The following BEND4 variants were observed in gnomAD, a reference collection of about 807,000 sequenced individuals.
BEND4 encodes BEN domain containing 4.
Under a neutral mutation model 54.7 loss-of-function variants are expected in BEND4, and 27 were observed. That is an observed-to-expected ratio of 0.49 (90% CI 0.36 to 0.68). The LOEUF is 0.68. BEND4 is among the 30% of genes least tolerant of loss of function. BEND4 has a pLI of 0.00. For synonymous variants in BEND4, 327 were observed against 299.5 expected, an observed-to-expected ratio of 1.09 and a Z score of -0.95; for missense variants, 702 against 697.2, an observed-to-expected ratio of 1.01 and a Z score of -0.08.
Position 42,152,517 on chromosome 4 carries a change from G to C in BEND4, c.-234+15C>G, listed in dbSNP as rs1258923654. ...CGCCTCCGACGGGGAGCGGGGGAAG[G>C]GGGAAAGCGAGGACCTGGAGGACGC... On this transcript the variant is annotated intron_variant, in intron 1 of 5. Transcript: ENST00000502486. 1.3e-5 allele frequency: 2 copies of C among 155,206 alleles called. No individual in the cohort carries two copies. The highest frequency in any genetic ancestry group is 2.8e-5 in the Non-Finnish European group (2 of 70,186). The allele number at this position is 155,206 out of a possible 1,614,324, so 9.6% of individuals were successfully genotyped here.
chr4:42,132,557 G>T (rs1720545962), intron 3 of BEND4, among the ~76,000 whole-genome samples: 1 of 152,058 alleles, frequency 6.6e-6, no homozygotes, highest in African/African-American at 2.4e-5. Context: ...AGATTCTCTT[G>T]CCTCAGCCTC....
chr4:42,119,945 GCA>G (rs771949492), intron 5 of BEND4, 107 bp downstream of exon 5: 18 of 1,393,276 alleles, frequency 1.3e-5, no homozygotes, highest in Non-Finnish European at 1.8e-5. Context: ...GACGTTCTCA[GCA>G]GAAAGAAATC....
intron 3 of BEND4, among the ~76,000 whole-genome samples, chr4:42,129,929 C>G (rs903052202): frequency 2.0e-5 from 3 of 152,150 alleles, no homozygotes; most frequent in Non-Finnish European, 2.9e-5. Flanking sequence ...AGCTTCTGCA[C>G]AGCAAAAGAA....
At chr4:42,137,843 T>A (rs1227843145) in intron 3 of BEND4, among the ~76,000 whole-genome samples, 1 of 152,300 alleles carries the variant, frequency 6.6e-6, no homozygotes, top group East Asian at 1.9e-4. Context: ...TATAAAAATG[T>A]ACTCAACATC....
chr4:42,145,251 G>A lies in BEND4; in HGVS notation c.488-1257C>T, dbSNP rs557591720. On this transcript the variant is annotated intron_variant, in intron 2 of 5. Coordinates refer to ENST00000502486, the MANE Select transcript of BEND4 (RefSeq NM_207406.4). Reference sequence around the variant, plus strand: ...AAATCCCCTAGAACACACCCAGGATGTAAGACCAAGGAAACCACACTACAG... The same window carrying A: ...AAATCCCCTAGAACACACCCAGGATATAAGACCAAGGAAACCACACTACAG... Among the ~76,000 whole-genome samples the A allele has an allele frequency of 5.3e-5, 8 of 152,288 alleles. No individual in the cohort carries two copies. In the South Asian group the frequency reaches 8.3e-4, roughly 16 times the overall value.
At chr4:42,131,176 C>T (rs528935921) in intron 3 of BEND4, among the ~76,000 whole-genome samples, 8 of 152,252 alleles carry the variant, frequency 5.3e-5, no homozygotes, top group African/African-American at 1.7e-4. Context: ...CACATGTTTA[C>T]CTATGTAACA....
intron 2 of BEND4, among the ~76,000 whole-genome samples, chr4:42,145,729 T>C (rs1055267882): frequency 9.3e-5 from 14 of 150,796 alleles, no homozygotes; most frequent in Non-Finnish European, 1.3e-4. Context: ...AAAGCCCATA[T>C]AGCACAGTGT....
At chr4:42,125,210 T>TG (rs1402372169) in intron 4 of BEND4, among the ~76,000 whole-genome samples, 2 of 152,156 alleles carry the variant, frequency 1.3e-5, no homozygotes, top group African/African-American at 4.8e-5. Context: ...ATCTGCACAC[T>TG]GAAGAATCAT....
At position 42,145,563 on chromosome 4, in the gene BEND4, G is replaced by A. The variant is rs568721008; in HGVS notation, c.488-1569C>T. On this transcript the variant is annotated intron_variant, in intron 2 of 5. Coordinates refer to ENST00000502486, the MANE Select transcript of BEND4 (RefSeq NM_207406.4). ...AAAAATTAGCTGGACATGGTGGCGC[G>A]CACCTGTAGTCCCAGCTACTCGGGG... 9.9e-5 allele frequency among the ~76,000 whole-genome samples: 15 copies of A among 151,910 alleles called. 1 individual carries two copies. Among genetic ancestry groups the A allele is most frequent in the South Asian group, 4.2e-4 (2 of 4,800 alleles).
Position 42,117,424 on chromosome 4 carries a change from A to C in BEND4, c.*94T>G, listed in dbSNP as rs1475933447. 2.7e-5 allele frequency: 23 copies of C among 852,138 alleles called. No homozygotes were observed. Among genetic ancestry groups the C allele is most frequent in the Non-Finnish European group, 4.1e-5 (22 of 541,860 alleles). The allele number at this position is 852,138 out of a possible 1,614,324, so 52.8% of individuals were successfully genotyped here. A position where few individuals can be genotyped will look rare whatever the true frequency, so the allele number is the denominator to read the frequency against. The stretch of plus-strand genomic sequence containing the variant: ...CTGAGAATGTGTAGACTATGGCAGA[A>C]TGACAGGCTTTGGACTCTCAGGTGA... On this transcript the variant is annotated 3_prime_UTR_variant, in exon 6 of 6. Transcript: ENST00000502486.
intron 2 of BEND4, among the ~76,000 whole-genome samples, chr4:42,145,797 G>T (rs536352412): frequency 5.9e-5 from 9 of 152,128 alleles, no homozygotes; most frequent in Admixed American, 5.2e-4. Context: ...CTGAAAAACT[G>T]CAAGTCAGAA....
At chr4:42,130,871 T>C (rs1293639156) in intron 3 of BEND4, among the ~76,000 whole-genome samples, 1 of 146,164 alleles carries the variant, frequency 6.8e-6, no homozygotes, top group Non-Finnish European at 1.5e-5. Flanking sequence ...CACCATAGAA[T>C]ACTATGCAGC....
At chr4:42,133,409 A>G (rs1189906042) in intron 3 of BEND4, among the ~76,000 whole-genome samples, 1 of 152,210 alleles carries the variant, frequency 6.6e-6, no homozygotes, top group Non-Finnish European at 1.5e-5. Context: ...ACTAGTAGAC[A>G]CCAATTAACT....
intron 3 of BEND4, 44 bp from the exon 4 acceptor site, chr4:42,125,718 A>G: frequency 7.8e-7 from 1 of 1,286,432 alleles, no homozygotes; most frequent in Non-Finnish European, 1.1e-6. Flanking sequence ...GCTATCCCGT[A>G]ACATGAAAAT....
At position 42,114,559 on chromosome 4, in the gene BEND4, T is replaced by G. The variant is rs1425670811; in HGVS notation, c.*2959A>C. The G allele has an allele frequency of 1.3e-5, 2 of 152,212 alleles. No individual in the cohort carries two copies. The highest frequency in any genetic ancestry group is 2.4e-5 in the African/African-American group (1 of 41,464). 9.4% of individuals were successfully genotyped at this position (152,212 alleles called of 1,614,324 possible). A position where few individuals can be genotyped will look rare whatever the true frequency, so the allele number is the denominator to read the frequency against. The stretch of plus-strand genomic sequence containing the variant: ...CTCTAAAAGCTGACATGACTAAGTT[T>G]CTTGTGAGAGCAATCTGTCCATTTG... On this transcript the variant is annotated 3_prime_UTR_variant, in exon 6 of 6. Coordinates refer to ENST00000502486, the MANE Select transcript of BEND4 (RefSeq NM_207406.4).
chr4:42,151,433 C>A, intron 2 of BEND4: 1 of 359,480 alleles, frequency 2.8e-6, no homozygotes, highest in Non-Finnish European at 4.9e-6. Flanking sequence ...GGGATCCAAG[C>A]CGCGGAGCCA....
chr4:42,129,781 A>G (rs1223188808), intron 3 of BEND4, among the ~76,000 whole-genome samples: 3 of 152,248 alleles, frequency 2.0e-5, no homozygotes, highest in Admixed American at 1.3e-4. Flanking sequence ...CTTAAATGTA[A>G]AACCCAAAAC....
intron 4 of BEND4, among the ~76,000 whole-genome samples, chr4:42,124,329 G>A (rs1227063495): frequency 6.6e-6 from 1 of 152,076 alleles, no homozygotes; most frequent in African/African-American, 2.4e-5. Context: ...CTCAAGCTTG[G>A]GCAAGAAAGC....
At position 42,116,278 on chromosome 4, in the gene BEND4, C is replaced by G. The variant is rs1719827325; in HGVS notation, c.*1240G>C. The G allele has an allele frequency of 6.6e-6, 1 of 152,202 alleles. No individual in the cohort carries two copies. Among genetic ancestry groups the G allele is most frequent in the Admixed American group, 6.5e-5 (1 of 15,280 alleles). 9.4% of individuals were successfully genotyped at this position (152,202 alleles called of 1,614,324 possible). A position where few individuals can be genotyped will look rare whatever the true frequency, so the allele number is the denominator to read the frequency against. The stretch of plus-strand genomic sequence containing the variant: ...TGGACTAGTTTGGTAAAGAAAGCCT[C>G]TCCTGAGTCCAAACAGGAAGCCCTC... On this transcript the variant is annotated 3_prime_UTR_variant, in exon 6 of 6. Coordinates refer to ENST00000502486, the MANE Select transcript of BEND4 (RefSeq NM_207406.4).
Sources: allele counts gnomAD v4.1 joint callset (sites outside exome capture counted in the v4.1 genomes callset), GRCh38; gene constraint gnomAD v4.1.1; transcripts MANE v1.5; gene names NCBI Gene and HGNC (gene_info 2026-07-23, HGNC 2026-07-21).